POLN: variants seen among roughly 807,000 people sequenced by gnomAD.
POLN encodes the protein DNA polymerase nu.
POLN carries 108 observed loss-of-function variants against 113.5 expected under a neutral mutation model. That is an observed-to-expected ratio of 0.95 (90% CI 0.81 to 1.12). The LOEUF (loss-of-function observed/expected upper bound fraction) is 1.12. Among genes scored for constraint, POLN ranks in the 50% most tolerant of loss-of-function variants. The pLI is 0.00. For synonymous variants in POLN, 386 were observed against 391.5 expected, an observed-to-expected ratio of 0.99 and a Z score of 0.17; for missense variants, 1,097 against 1,077.1, an observed-to-expected ratio of 1.02 and a Z score of -0.26.
chr4:2,176,260 C>G lies in POLN; in HGVS notation c.1248+6G>C, dbSNP rs373330849. On this transcript the variant is annotated splice_donor_region_variant and intron_variant, in intron 9 of 25. Transcript: ENST00000511885. ...GTCAGCCAGAAATTATAATAAAATG[C>G]CTTGCCTTCAGTTTAGAGCAAAGGT... The G allele has an allele frequency of 6.2e-7, 1 of 1,600,330 alleles. No homozygotes were observed. The highest frequency in any genetic ancestry group is 1.3e-5 in the African/African-American group (1 of 74,518).
At position 2,085,726 on chromosome 4, in the gene POLN, G is replaced by C; in HGVS notation, c.2084C>G (p.Ala695Gly). The C allele has an allele frequency of 6.2e-7, 1 of 1,613,790 alleles. No homozygotes were observed. Among genetic ancestry groups the C allele is most frequent in the Non-Finnish European group, 8.5e-7 (1 of 1,180,034 alleles). Residue 695 changes from alanine (A) to glycine (G), a missense_variant, in exon 21 of 26, where the codon GCT (alanine) becomes GGT (glycine). By Grantham distance (60) the Ala-to-Gly change is moderately conservative. Transcript: ENST00000511885. ...TTCCTGAATAGGAACTCCAAGGCAA[G>C]CAGCCAGCCGCTCCTTCCCTGTCAG... ...VYGAGKERLA[A>G]CLGVPIQEAA...
intron 19 of POLN, among the ~76,000 whole-genome samples, chr4:2,104,902 G>A (rs1204979520): frequency 6.6e-6 from 1 of 152,212 alleles, no homozygotes. Flanking sequence ...ACACCTATCA[G>A]GGTGGCAGGG....
chr4:2,240,089 C>T (rs1734915976), intron 2 of POLN: 4 of 1,613,942 alleles, frequency 2.5e-6, no homozygotes, highest in South Asian at 1.1e-5. Flanking sequence ...TACTTGACTT[C>T]ATGCTCGAAT....
At chr4:2,120,667 G>A (rs1475928212) in intron 19 of POLN, among the ~76,000 whole-genome samples, 2 of 151,984 alleles carry the variant, frequency 1.3e-5, no homozygotes, top group Non-Finnish European at 2.9e-5. Flanking sequence ...CTAATTTTTT[G>A]TATTTTTAGT....
chr4:2,086,140 A>G (rs1412268737), intron 20 of POLN, among the ~76,000 whole-genome samples: 1 of 152,138 alleles, frequency 6.6e-6, no homozygotes, highest in Admixed American at 6.5e-5. Flanking sequence ...ATTTTGTTCT[A>G]GAAGATGCAG....
chr4:2,080,695 C>T (rs1195022790), intron 23 of POLN: 19 of 1,368,156 alleles, frequency 1.4e-5, no homozygotes, highest in Non-Finnish European at 1.8e-5. Context: ...GCTGTGCAGA[C>T]ACCCCGAGGA....
chr4:2,198,389 G>T, intron 6 of POLN, 135 bp downstream of exon 6: 1 of 662,198 alleles, frequency 1.5e-6, no homozygotes, highest in Non-Finnish European at 2.3e-6. Flanking sequence ...CTATCACTTG[G>T]ATCCATTTTA....
At chr4:2,225,485 G>C (rs567846673) in intron 3 of POLN, among the ~76,000 whole-genome samples, 113 of 151,058 alleles carry the variant, frequency 7.5e-4, no homozygotes, top group Non-Finnish European at 1.4e-3. Context: ...AACCCAGGAG[G>C]GGGGGTTGCA....
chr4:2,208,095 A>G lies in POLN; in HGVS notation c.606T>C (p.His202=). 1 of 1,614,180 alleles carries G rather than the reference A, an allele frequency of 6.2e-7. No homozygotes were observed. Among genetic ancestry groups the G allele is most frequent in the Non-Finnish European group, 8.5e-7 (1 of 1,180,020 alleles). The change falls in exon 5 of 26, where the codon CAT becomes CAC. Residue 202 remains histidine, a synonymous_variant. Transcript: ENST00000511885. ...GCTGGCTTTTTGCCCAATCATCCAA[A>G]TGCCTAATATCACAAAAATGTTTTT... ...ALKKHFCDIR[H]LDDWAKSQLI...
chr4:2,189,481 T>C (rs576830968), intron 7 of POLN, among the ~76,000 whole-genome samples: 1 of 149,712 alleles, frequency 6.7e-6, no homozygotes, highest in South Asian at 2.1e-4. Flanking sequence ...CTACCAAAAA[T>C]ACAAAAAATT....
intron 23 of POLN, chr4:2,079,179 G>A (rs535683148): frequency 2.1e-4 from 38 of 182,748 alleles, no homozygotes; most frequent in Non-Finnish European, 3.4e-4. Context: ...TGATCCACCC[G>A]ACTCGGCCTC....
Position 2,193,316 on chromosome 4 carries a change from C to A in POLN, c.909G>T (p.Arg303=), listed in dbSNP as rs1010117686. Reference sequence around the variant, plus strand: ...ATTTCATTGTTTGAAATAGCACGTTCCTAGAAGATGAAAAGAAATTCACTG... The same window carrying A: ...ATTTCATTGTTTGAAATAGCACGTTACTAGAAGATGAAAAGAAATTCACTG... ...QEQEAHQQFA[R]NVLFQTMKCK... is the part of the protein sequence containing the mutation. Residue 303 remains arginine (R), a splice_region_variant and synonymous_variant, in exon 7 of 26, where the codon CGG becomes CGT. Coordinates refer to ENST00000511885, the MANE Select transcript of POLN (RefSeq NM_181808.4). 6.4e-7 allele frequency: 1 copy of A among 1,563,598 alleles called. No individual in the cohort carries two copies. The highest frequency in any genetic ancestry group is 8.7e-7 in the Non-Finnish European group (1 of 1,152,446).
rs1433072770 is a variant in POLN, at chr4:2,185,528, T to TTGAGGTCAGGAGTTCGAGACCAGCC, written c.1022-6088_1022-6064dup. Among the ~76,000 whole-genome samples, 15 of 152,278 alleles carry TTGAGGTCAGGAGTTCGAGACCAGCC rather than the reference T, an allele frequency of 9.9e-5. 1 individual carries two copies. In the South Asian group the frequency reaches 3.1e-3, roughly 32 times the overall value. ...TGGGAGGCCGAGGCAGGCAGATTAC[T>TTGAGGTCAGGAGTTCGAGACCAGCC]TGAGGTCAGGAGTTCGAGACCAGCC... On this transcript the variant is annotated intron_variant, in intron 7 of 25. Transcript: ENST00000511885.
chr4:2,108,363 C>T (rs926285234), intron 19 of POLN, among the ~76,000 whole-genome samples: 1 of 152,084 alleles, frequency 6.6e-6, no homozygotes, highest in Non-Finnish European at 1.5e-5. Flanking sequence ...GGGACAATAG[C>T]AGCATCCTAA....
At chr4:2,146,788 G>A (rs1331740194) in intron 16 of POLN, among the ~76,000 whole-genome samples, 9 of 152,112 alleles carry the variant, frequency 5.9e-5, no homozygotes, top group Non-Finnish European at 8.8e-5. Flanking sequence ...AAAGTATCTC[G>A]ACAGAGGTAA....
chr4:2,179,468 GAAGAGAAA>G lies in POLN; in HGVS notation c.1022-11_1022-4del, dbSNP rs1733080216. 7 of 1,611,822 alleles carry G rather than the reference GAAGAGAAA, an allele frequency of 4.3e-6. No individual in the cohort carries two copies. Among genetic ancestry groups the G allele is most frequent in the Non-Finnish European group, 5.9e-6 (7 of 1,179,252 alleles). On this transcript the variant is annotated splice_polypyrimidine_tract_variant and splice_region_variant and intron_variant, in intron 7 of 25. Coordinates refer to ENST00000511885, the MANE Select transcript of POLN (RefSeq NM_181808.4). ...ATCTAGCCCTATAAAATCAGCAACT[GAAGAGAAA>G]AAGGTCATTCAGTCATCCCAAGAAA...
At chr4:2,236,295 T>C (rs1734761804) in intron 2 of POLN, 2 of 1,613,670 alleles carry the variant, frequency 1.2e-6, no homozygotes, top group African/African-American at 2.7e-5. Flanking sequence ...CACATCCTTA[T>C]TCCGTTTGGA....
chr4:2,128,459 G>A (rs1176019435), intron 18 of POLN, among the ~76,000 whole-genome samples: 1 of 152,178 alleles, frequency 6.6e-6, no homozygotes, highest in East Asian at 1.9e-4. Context: ...GCGTGGAGGG[G>A]AGTTGTGATA....
intron 21 of POLN, 92 bp downstream of exon 21, chr4:2,085,520 AG>A: frequency 6.5e-7 from 1 of 1,545,530 alleles, no homozygotes; most frequent in Non-Finnish European, 8.8e-7. Flanking sequence ...CTCAGGACCC[AG>A]GGCCCGCCTG....
Sources: allele counts gnomAD v4.1 joint callset (sites outside exome capture counted in the v4.1 genomes callset), GRCh38; gene constraint gnomAD v4.1.1; transcripts MANE v1.5; gene names NCBI Gene and HGNC (gene_info 2026-07-23, HGNC 2026-07-21).